CDX1: variants seen among roughly 807,000 people sequenced by gnomAD.
The protein encoded by CDX1 is homeobox protein CDX-1.
CDX1 carries 9 observed loss-of-function variants against 16.9 expected under a neutral mutation model. The observed-to-expected ratio is 0.53, with a 90% confidence interval of 0.32 to 0.93. The LOEUF is 0.93. Among genes scored for constraint, CDX1 ranks in the 40% least tolerant of loss-of-function variants. The pLI, the probability that CDX1 is intolerant of heterozygous loss-of-function variation, is 0.04. For missense variants in CDX1, 393 were observed against 386.1 expected, an observed-to-expected ratio of 1.02 and a Z score of -0.15; for synonymous variants, 179 against 179.0, an observed-to-expected ratio of 1.00 and a Z score of 0.00.
In CDX1 at chr5:150,167,052, C is replaced by A; in HGVS notation, c.176C>A (p.Thr59Lys). ...GTGGAGCCGGCCCCCGCGCCCCCGA[C>A]GGCCTGGGGGGCGCCCTTCCCTGCG... Reference protein sequence around the residue: ...SHVEPAPAPPTAWGAPFPAPK... With the variant: ...SHVEPAPAPPKAWGAPFPAPK... Residue 59 changes from threonine to lysine, a missense_variant, in exon 1 of 3, where the codon ACG (threonine) becomes AAG (lysine). Physicochemically the swap from Thr to Lys is moderately conservative, Grantham distance 78. Transcript: ENST00000231656. 1 of 1,428,884 alleles carries A rather than the reference C, an allele frequency of 7.0e-7. No individual in the cohort carries two copies. The highest frequency in any genetic ancestry group is 9.1e-7 in the Non-Finnish European group (1 of 1,096,658). The allele number at this position is 1,428,884 out of a possible 1,614,324, so 88.5% of individuals were successfully genotyped here.
chr5:150,176,599 C>T (rs535028978), intron 1 of CDX1, among the ~76,000 whole-genome samples: 2 of 152,266 alleles, frequency 1.3e-5, no homozygotes, highest in East Asian at 1.9e-4. Flanking sequence ...GAGGTCTGAT[C>T]TTTAAGGGAA....
At chr5:150,168,623 A>T (rs549645575) in intron 1 of CDX1, among the ~76,000 whole-genome samples, 27 of 152,384 alleles carry the variant, frequency 1.8e-4, no homozygotes, top group African/African-American at 5.8e-4. Flanking sequence ...CCCCATTTTA[A>T]GATGAAGAAA....
intron 1 of CDX1, among the ~76,000 whole-genome samples, chr5:150,177,422 C>T (rs936286432): frequency 1.3e-5 from 2 of 152,250 alleles, no homozygotes; most frequent in Admixed American, 6.5e-5. Context: ...CTTCCCCATG[C>T]ACCTCCTGCA....
intron 1 of CDX1, among the ~76,000 whole-genome samples, chr5:150,168,046 A>G (rs1761457162): frequency 6.6e-6 from 1 of 152,150 alleles, no homozygotes; most frequent in Admixed American, 6.5e-5. Flanking sequence ...AAAGGGCCCA[A>G]CTTTAATGAG....
chr5:150,179,075 G>T (rs567118457), intron 1 of CDX1, among the ~76,000 whole-genome samples: 1 of 152,028 alleles, frequency 6.6e-6, no homozygotes, highest in Non-Finnish European at 1.5e-5. Context: ...GGGATTCTTC[G>T]GTCAAAGGGT....
At chr5:150,180,784 C>T (rs1161630804) in intron 1 of CDX1, among the ~76,000 whole-genome samples, 1 of 152,120 alleles carries the variant, frequency 6.6e-6, no homozygotes, top group African/African-American at 2.4e-5. Context: ...CACACAAGCC[C>T]AGGCCAAGCA....
Position 150,181,547 on chromosome 5 carries a change from G to A in CDX1, c.446-1221G>A, listed in dbSNP as rs146986650. On this transcript the variant is annotated intron_variant, in intron 1 of 2. Transcript: ENST00000231656. Reference sequence around the variant, plus strand: ...CTCCCTCAGCCTCCCATAAAGTGCTGGGATTACAGGTGTGAGCCACCGCGC... The same window carrying A: ...CTCCCTCAGCCTCCCATAAAGTGCTAGGATTACAGGTGTGAGCCACCGCGC... Among the ~76,000 whole-genome samples, 951 of 152,192 alleles carry A rather than the reference G, an allele frequency of 6.2e-3. 8 individuals are homozygous for A. Among genetic ancestry groups the A allele is most frequent in the African/African-American group, 0.021 (892 of 41,508 alleles).
At position 150,183,623 on chromosome 5, in the gene CDX1, C is replaced by T; in HGVS notation, c.741C>T (p.Asn247=). The change falls in exon 3 of 3, where the codon AAC becomes AAT. Residue 247 remains asparagine, a synonymous_variant. Coordinates refer to ENST00000231656, the MANE Select transcript of CDX1 (RefSeq NM_001804.3). ...CCCTGGGGGGCCTGTGTCCCAGCAA[C>T]ACCAGCCTCCTGGCCACCTCCTCTC... ...GPSLGGLCPS[N]TSLLATSSPM... The T allele has an allele frequency of 1.9e-6, 3 of 1,608,414 alleles. No homozygotes were observed. The highest frequency in any genetic ancestry group is 8.5e-7 in the Non-Finnish European group (1 of 1,176,210).
rs1752523647 is a variant in CDX1, at chr5:150,184,380, C to T, written c.*700C>T. 6.6e-6 allele frequency: 1 copy of T among 152,228 alleles called. No individual in the cohort carries two copies. Among genetic ancestry groups the T allele is most frequent in the Non-Finnish European group, 1.5e-5 (1 of 68,092 alleles). The allele number at this position is 152,228 out of a possible 1,614,324, so 9.4% of individuals were successfully genotyped here. Reference sequence around the variant, plus strand: ...CCCCCGCCAGGCTGCCCATCAGGGCCCAGGGAGCCCCCAGAGGACTTTATT... The same window carrying T: ...CCCCCGCCAGGCTGCCCATCAGGGCTCAGGGAGCCCCCAGAGGACTTTATT... On this transcript the variant is annotated 3_prime_UTR_variant, in exon 3 of 3. Coordinates refer to ENST00000231656, the MANE Select transcript of CDX1 (RefSeq NM_001804.3).
intron 1 of CDX1, among the ~76,000 whole-genome samples, chr5:150,168,313 C>G (rs994481440): frequency 2.6e-5 from 4 of 152,238 alleles, no homozygotes; most frequent in Non-Finnish European, 5.9e-5. Flanking sequence ...ACTCTTCACC[C>G]CCATCTCCCC....
intron 2 of CDX1, 64 bp downstream of exon 2, chr5:150,182,977 G>C: frequency 6.5e-7 from 1 of 1,531,876 alleles, no homozygotes; most frequent in Non-Finnish European, 8.8e-7. Context: ...CAGGCTGCCA[G>C]GCAGAGTACA....
chr5:150,178,637 A>C (rs1761600869), intron 1 of CDX1, among the ~76,000 whole-genome samples: 1 of 152,188 alleles, frequency 6.6e-6, no homozygotes, highest in African/African-American at 2.4e-5. Context: ...TGTCATTAAA[A>C]ATACAAATTA....
intron 1 of CDX1, among the ~76,000 whole-genome samples, chr5:150,177,468 T>C (rs1042247800): frequency 6.6e-6 from 1 of 152,234 alleles, no homozygotes; most frequent in Non-Finnish European, 1.5e-5. Flanking sequence ...AGTGAGCCCC[T>C]GTATGCCGCA....
At chr5:150,172,045 G>A (rs569371736) in intron 1 of CDX1, among the ~76,000 whole-genome samples, 7 of 152,236 alleles carry the variant, frequency 4.6e-5, no homozygotes, top group East Asian at 1.9e-4. Flanking sequence ...CTGGTCCCTC[G>A]GCCTGCATTG....
chr5:150,175,729 C>G (rs1761561522), intron 1 of CDX1, among the ~76,000 whole-genome samples: 1 of 152,204 alleles, frequency 6.6e-6, no homozygotes, highest in Admixed American at 6.5e-5. Flanking sequence ...AGCCCTCCCC[C>G]TGGTGGTACA....
At position 150,167,204 on chromosome 5, in the gene CDX1, G is replaced by T; in HGVS notation, c.328G>T (p.Gly110Cys). Residue 110 changes from glycine (G) to cysteine (C), a missense_variant, in exon 1 of 3, where the codon GGC becomes TGC. Transcript: ENST00000231656. ...PVPAPPGPGPGLLAQPLGGPG... is the reference protein window; with the variant it reads ...PVPAPPGPGPCLLAQPLGGPG... ...GCCGGCGCCCCCTGGGCCCGGCCCG[G>T]GCCTCCTGGCGCAGCCCCTCGGGGG... 1 of 1,265,864 alleles carries T rather than the reference G, an allele frequency of 7.9e-7. No individual in the cohort carries two copies. Among genetic ancestry groups the T allele is most frequent in the Non-Finnish European group, 9.9e-7 (1 of 1,010,690 alleles). The allele number at this position is 1,265,864 out of a possible 1,614,324, so 78.4% of individuals were successfully genotyped here. A position where few individuals can be genotyped will look rare whatever the true frequency, so the allele number is the denominator to read the frequency against.
chr5:150,167,910 C>T (rs1329241426), intron 1 of CDX1, among the ~76,000 whole-genome samples: 1 of 152,168 alleles, frequency 6.6e-6, no homozygotes, highest in Non-Finnish European at 1.5e-5. Flanking sequence ...ACTCTTGACC[C>T]CGGGGGAGGG....
In CDX1 at chr5:150,166,996, G is replaced by T; in HGVS notation, c.120G>T (p.Pro40=). 7.2e-7 allele frequency: 1 copy of T among 1,382,618 alleles called. No individual in the cohort carries two copies. Among genetic ancestry groups the T allele is most frequent in the Non-Finnish European group, 9.4e-7 (1 of 1,065,756 alleles). 85.6% of individuals were successfully genotyped at this position (1,382,618 alleles called of 1,614,324 possible). A position where few individuals can be genotyped will look rare whatever the true frequency, so the allele number is the denominator to read the frequency against. Reference sequence around the variant, plus strand: ...CCCCGGCCCCGCCCCCGGCGCCCCCGCAGTACCCCGACTTCTCCAGCTACT... The same window carrying T: ...CCCCGGCCCCGCCCCCGGCGCCCCCTCAGTACCCCGACTTCTCCAGCTACT... ...YGPPAPPPAP[P]QYPDFSSYSH... Residue 40 remains proline, a synonymous_variant, in exon 1 of 3, where the codon CCG becomes CCT. Transcript: ENST00000231656.
rs137934736 is a variant in CDX1 at position 150,176,003 on chromosome 5, G to C, written c.446-6765G>C. ...GGGAAGGAAAGCCCAGGGAAATTCA[G>C]TCACTTGTCAAGTCCTTCAACTAAG... On this transcript the variant is annotated intron_variant, in intron 1 of 2. Coordinates refer to ENST00000231656, the MANE Select transcript of CDX1 (RefSeq NM_001804.3). Among the ~76,000 whole-genome samples the C allele has an allele frequency of 4.0e-3, 614 of 152,340 alleles. 3 individuals are homozygous for C. The highest frequency in any genetic ancestry group is 0.014 in the African/African-American group (587 of 41,574).
Sources: allele counts gnomAD v4.1 joint callset (sites outside exome capture counted in the v4.1 genomes callset), GRCh38; gene constraint gnomAD v4.1.1; transcripts MANE v1.5; gene names NCBI Gene and HGNC (gene_info 2026-07-23, HGNC 2026-07-21).